Variants in FBXO25 observed in about 807,000 individuals in gnomAD.
FBXO25 encodes F-box only protein 25.
In FBXO25, 45 loss-of-function variants were observed where a neutral mutation model predicts 51.9. That is an observed-to-expected ratio of 0.87 (90% CI 0.68 to 1.11). The LOEUF (loss-of-function observed/expected upper bound fraction) is 1.11. Ranked by LOEUF, FBXO25 falls within the 50% of genes most tolerant of loss-of-function variation. The pLI, the probability that FBXO25 is intolerant of heterozygous loss-of-function variation, is 0.00. For synonymous variants in FBXO25, 199 were observed against 151.0 expected (o/e 1.32, Z -2.33); for missense variants, 507 against 428.5 (o/e 1.18, Z -1.62).
intron 8 of FBXO25, 36 bp from the exon 9 acceptor site, chr8:462,971 C>G: frequency 6.3e-7 from 1 of 1,584,552 alleles, no homozygotes; most frequent in Non-Finnish European, 8.5e-7. Context: ...TGAAAGTCAT[C>G]TTATGCGGAT....
intron 8 of FBXO25, among the ~76,000 whole-genome samples, chr8:462,601 C>T (rs982580143): frequency 1.3e-5 from 2 of 152,138 alleles, no homozygotes; most frequent in African/African-American, 4.8e-5. Context: ...AAAATAATTT[C>T]AGATAGACCT....
chr8:419,381 A>G (rs1324845271), intron 2 of FBXO25, among the ~76,000 whole-genome samples: 1 of 152,190 alleles, frequency 6.6e-6, no homozygotes, highest in Admixed American at 6.5e-5. Flanking sequence ...AAAAGAAAAA[A>G]GAACAAGGTT....
chr8:461,754 A>G (rs775329559), intron 8 of FBXO25, among the ~76,000 whole-genome samples: 20 of 152,154 alleles, frequency 1.3e-4, no homozygotes, highest in East Asian at 3.8e-4. Flanking sequence ...AGAGGAATCT[A>G]TGGCATTTCT....
chr8:454,759 G>T (rs11991563), intron 7 of FBXO25, among the ~76,000 whole-genome samples: 1 of 151,776 alleles, frequency 6.6e-6, no homozygotes, highest in African/African-American at 2.4e-5. Flanking sequence ...GGCGTGGTGG[G>T]ACGTGCCTGT....
intron 9 of FBXO25, chr8:468,114 T>A: frequency 9.4e-7 from 1 of 1,059,246 alleles, no homozygotes; most frequent in Non-Finnish European, 1.1e-6. Flanking sequence ...AGTCTGCCAG[T>A]CTTCATCCAC....
intron 4 of FBXO25, among the ~76,000 whole-genome samples, chr8:434,959 C>T (rs761464731): frequency 1.3e-5 from 2 of 152,162 alleles, no homozygotes; most frequent in Non-Finnish European, 2.9e-5. Context: ...GGCATCCGTG[C>T]TCCCAGCCTG....
intron 1 of FBXO25, among the ~76,000 whole-genome samples, chr8:409,716 G>C (rs1350069776): frequency 2.0e-5 from 3 of 152,090 alleles, no homozygotes; most frequent in African/African-American, 4.8e-5. Context: ...ATAAGGTTCT[G>C]TTGGCAAGAT....
At chr8:415,792 A>G (rs1157887041) in intron 2 of FBXO25, among the ~76,000 whole-genome samples, 1 of 152,196 alleles carries the variant, frequency 6.6e-6, no homozygotes, top group East Asian at 1.9e-4. Context: ...TTGATGACAG[A>G]AATTGTATGA....
At chr8:438,651 A>G (rs900237537) in intron 5 of FBXO25, among the ~76,000 whole-genome samples, 13 of 152,206 alleles carry the variant, frequency 8.5e-5, no homozygotes, top group Non-Finnish European at 1.9e-4. Context: ...CACTCAAGGC[A>G]GGAGGAGCCC....
Position 468,759 on chromosome 8 carries a change from C to G in FBXO25, c.1032C>G (p.Phe344Leu). Reference protein sequence around the residue: ...PCTAADPDSCFTPVSPQHFID... With the variant: ...PCTAADPDSCLTPVSPQHFID... ...CGGCGGCCGACCCTGACAGCTGCTT[C>G]ACGCCTGTGTCTCCGCAGCACTTCA... The change falls in exon 10 of 10, where the codon TTC becomes TTG. Residue 344 changes from phenylalanine (F) to leucine (L), a missense_variant. Physicochemically the swap from Phe to Leu is conservative, Grantham distance 22. Transcript: ENST00000350302. 1.9e-6 allele frequency: 3 copies of G among 1,614,062 alleles called. No homozygotes were observed. Among genetic ancestry groups the G allele is most frequent in the Non-Finnish European group, 8.5e-7 (1 of 1,180,032 alleles).
intron 2 of FBXO25, among the ~76,000 whole-genome samples, chr8:425,088 G>A (rs1473048188): frequency 5.3e-5 from 8 of 151,842 alleles, no homozygotes; most frequent in African/African-American, 7.3e-5. Context: ...GACCACACCC[G>A]GGTCAAGGAA....
At chr8:430,364 T>C (rs913270120) in intron 2 of FBXO25, among the ~76,000 whole-genome samples, 26 of 152,328 alleles carry the variant, frequency 1.7e-4, no homozygotes, top group African/African-American at 5.3e-4. Flanking sequence ...GCTTTGCTTG[T>C]CTTGATGATT....
Position 472,354 on chromosome 8 carries a change from T to G in FBXO25, c.*3550T>G. On this transcript the variant is annotated 3_prime_UTR_variant, in exon 10 of 10. Coordinates refer to ENST00000350302, the MANE Select transcript of FBXO25 (RefSeq NM_183420.2). ...CATAAGATCATGTGCTGTTATTACA[T>G]TGACTGATTTCTATATCTTGAACCA... 1 of 152,374 alleles carries G rather than the reference T, an allele frequency of 6.6e-6. No homozygotes were observed. The highest frequency in any genetic ancestry group is 2.1e-4 in the South Asian group (1 of 4,828). 9.4% of individuals were successfully genotyped at this position (152,374 alleles called of 1,614,324 possible).
In FBXO25 at chr8:469,322, C is replaced by T. The variant is rs1292761378; in HGVS notation, c.*518C>T. On this transcript the variant is annotated 3_prime_UTR_variant, in exon 10 of 10. Coordinates refer to ENST00000350302, the MANE Select transcript of FBXO25 (RefSeq NM_183420.2). ...CTTTGAATAGAAAGTGAACCCAGGG[C>T]AATGACAGCCATTCTTGTCTTAGGG... 1 of 152,586 alleles carries T rather than the reference C, an allele frequency of 6.6e-6. No homozygotes were observed. Among genetic ancestry groups the T allele is most frequent in the African/African-American group, 2.4e-5 (1 of 41,440 alleles). 9.5% of individuals were successfully genotyped at this position (152,586 alleles called of 1,614,324 possible). A position where few individuals can be genotyped will look rare whatever the true frequency, so the allele number is the denominator to read the frequency against.
chr8:451,301 A>G lies in FBXO25; in HGVS notation c.508A>G (p.Lys170Glu). The change falls in exon 7 of 10, where the codon AAA becomes GAA. Residue 170 changes from lysine (K) to glutamate (E), a missense_variant. By Grantham distance (56) the Lys-to-Glu change is moderately conservative. Coordinates refer to ENST00000350302, the MANE Select transcript of FBXO25 (RefSeq NM_183420.2). ...TGACCACCACAATCCTCGCTTAATC[A>G]AAGATCTTCTGCAAGACCTAAGCTC... ...LDDHHNPRLIKDLLQDLSSTL... is the reference protein window; with the variant it reads ...LDDHHNPRLIEDLLQDLSSTL... The G allele has an allele frequency of 1.9e-6, 3 of 1,610,716 alleles. No individual in the cohort carries two copies. Among genetic ancestry groups the G allele is most frequent in the Non-Finnish European group, 2.5e-6 (3 of 1,179,184 alleles).
chr8:426,134 C>T (rs183592141), intron 2 of FBXO25, among the ~76,000 whole-genome samples: 2 of 152,274 alleles, frequency 1.3e-5, no homozygotes, highest in Admixed American at 6.5e-5. Context: ...AGCAGCTCCA[C>T]AGATAAATAA....
chr8:439,514 A>G (rs1798298728), intron 5 of FBXO25, among the ~76,000 whole-genome samples: 2 of 152,362 alleles, frequency 1.3e-5, no homozygotes, highest in African/African-American at 4.8e-5. Context: ...TGGTGGACCA[A>G]TTAGATAGCA....
chr8:415,992 G>C (rs1303309950), intron 2 of FBXO25, among the ~76,000 whole-genome samples: 3 of 152,190 alleles, frequency 2.0e-5, no homozygotes, highest in African/African-American at 7.2e-5. Context: ...GTTGACATTT[G>C]ACAAGGGAGT....
In FBXO25 at chr8:446,514, C is replaced by T. The variant is rs189112544; in HGVS notation, c.382-3476C>T. On this transcript the variant is annotated intron_variant, in intron 5 of 9. Transcript: ENST00000350302. ...TGAATCTGAATCGCATCCGCCAGTC[C>T]AGCTATTATTAGCGATAATGCTGAT... Among the ~76,000 whole-genome samples, 768 of 152,242 alleles carry T rather than the reference C, an allele frequency of 5.0e-3. 7 individuals are homozygous for T. The highest frequency in any genetic ancestry group is 0.017 in the African/African-American group (714 of 41,536).
Sources: allele counts gnomAD v4.1 joint callset (sites outside exome capture counted in the v4.1 genomes callset), GRCh38; gene constraint gnomAD v4.1.1; transcripts MANE v1.5; gene names NCBI Gene and HGNC (gene_info 2026-07-23, HGNC 2026-07-21).